ATP11A: variants seen among roughly 807,000 people sequenced by gnomAD.
ATP11A encodes the protein phospholipid-transporting ATPase IH.
ATP11A carries 81 observed loss-of-function variants against 154.4 expected under a neutral mutation model. The ratio of observed to expected loss-of-function variants is 0.52; its 90% CI spans 0.44 to 0.63. The LOEUF (loss-of-function observed/expected upper bound fraction) is 0.63, where lower values mean the gene tolerates loss of function less well. Among genes scored for constraint, ATP11A ranks in the 30% least tolerant of loss-of-function variants. The pLI, the probability that ATP11A is intolerant of heterozygous loss-of-function variation, is 0.00. For missense variants in ATP11A, 1,316 were observed against 1,474.3 expected (o/e 0.89, Z 1.76); for synonymous variants, 623 against 585.9 (o/e 1.06, Z -0.91).
chr13:112,836,029 G>A, intron 15 of ATP11A, 149 bp from the exon 16 acceptor site: 1 of 524,512 alleles, frequency 1.9e-6, no homozygotes, highest in South Asian at 3.4e-5. Context: ...TCCATGGGAG[G>A]ACACCCCTCA....
chr13:112,730,017 A>T (rs282598), intron 1 of ATP11A, among the ~76,000 whole-genome samples: 1 of 152,074 alleles, frequency 6.6e-6, no homozygotes, highest in Non-Finnish European at 1.5e-5. Context: ...TGGGAGCTGG[A>T]AGGGTGCAGA....
At chr13:112,871,894 G>A in intron 26 of ATP11A, 94 bp downstream of exon 26, 3 of 1,333,774 alleles carry the variant, frequency 2.2e-6, no homozygotes, top group South Asian at 1.2e-5. Context: ...TTATAACTCT[G>A]TACTGAGGCT....
intron 9 of ATP11A, among the ~76,000 whole-genome samples, chr13:112,823,909 G>A (rs34165042): frequency 7.2e-5 from 11 of 152,174 alleles, no homozygotes; most frequent in Admixed American, 1.3e-4. Flanking sequence ...TGTAGCCTAC[G>A]CATGTCTGCC....
At chr13:112,813,147 C>T (rs566356966) in intron 5 of ATP11A, among the ~76,000 whole-genome samples, 17 of 152,282 alleles carry the variant, frequency 1.1e-4, no homozygotes, top group Non-Finnish European at 2.2e-4. Flanking sequence ...TTCCATCGGT[C>T]GTAATGGCTC....
intron 29 of ATP11A, chr13:112,881,085 C>T: frequency 9.1e-6 from 9 of 987,458 alleles, no homozygotes; most frequent in Non-Finnish European, 1.1e-5. Flanking sequence ...GAGCACATAG[C>T]TTGTCGCCTC....
In ATP11A at chr13:112,747,936, TTCCAAAATCCCAAA is replaced by T. The variant is rs370297594; in HGVS notation, c.40-37190_40-37177del. On this transcript the variant is annotated intron_variant, in intron 1 of 29. Transcript: ENST00000375645. ...ATGGGATGAATTTGAGCATCCCTCA[TTCCAAAATCCCAAA>T]TCCAAAATGCCCAAAAATCTGAAAC... Among the ~76,000 whole-genome samples the T allele has an allele frequency of 6.0e-4, 92 of 152,304 alleles. No individual in the cohort carries two copies. The East Asian group carries it at 0.018, about 29-fold the overall frequency.
rs111216665 is a variant in ATP11A at position 112,767,207 on chromosome 13, C to A, written c.40-17928C>A. 2.8e-3 allele frequency among the ~76,000 whole-genome samples: 12 copies of A among 4,308 alleles called. 1 individual carries two copies. The highest frequency in any genetic ancestry group is 0.026 in the African/African-American group (12 of 468). The allele number at this position is 4,308 out of a possible 152,430, so 2.8% of individuals were successfully genotyped here. ...GGAGGATGTGGGGGTGTTGGGGGCCCCTGTGGGAAGGTGGGGAGATGTGGG... is the reference window on the plus strand; with the variant it reads ...GGAGGATGTGGGGGTGTTGGGGGCCACTGTGGGAAGGTGGGGAGATGTGGG... On this transcript the variant is annotated intron_variant, in intron 1 of 29. Coordinates refer to ENST00000375645, the MANE Select transcript of ATP11A (RefSeq NM_015205.3).
At chr13:112,789,098 A>C (rs1304624486) in intron 2 of ATP11A, among the ~76,000 whole-genome samples, 1 of 151,642 alleles carries the variant, frequency 6.6e-6, no homozygotes, top group Non-Finnish European at 1.5e-5. Context: ...TACTTAATTC[A>C]CACCGGGTGT....
chr13:112,833,079 C>G lies in ATP11A; in HGVS notation c.1559+56C>G, dbSNP rs1465321885. The G allele has an allele frequency of 3.2e-6, 5 of 1,566,880 alleles. No individual in the cohort carries two copies. In the Admixed American group the frequency reaches 5.2e-5, roughly 16 times the overall value. ...TTCCTGATGTGACTCAGCCCCTCCCCAGCCCCAGTCAGGGATTTGCACCTA... is the reference window on the plus strand; with the variant it reads ...TTCCTGATGTGACTCAGCCCCTCCCGAGCCCCAGTCAGGGATTTGCACCTA... On this transcript the variant is annotated intron_variant, in intron 14 of 29. Coordinates refer to ENST00000375645, the MANE Select transcript of ATP11A (RefSeq NM_015205.3).
At chr13:112,824,450 C>T (rs1330720877) in intron 10 of ATP11A, 25 bp downstream of exon 10, 2 of 1,606,380 alleles carry the variant, frequency 1.2e-6, no homozygotes, top group African/African-American at 2.7e-5. Context: ...GCGTGAGAAC[C>T]TGCAACTTAA....
chr13:112,742,915 G>A (rs1409059980), intron 1 of ATP11A, among the ~76,000 whole-genome samples: 3 of 152,170 alleles, frequency 2.0e-5, no homozygotes, highest in Non-Finnish European at 4.4e-5. Context: ...TATTGTGTAC[G>A]TGGGCAGAGG....
Position 112,875,264 on chromosome 13 carries a change from G to A in ATP11A, c.3162-512G>A, listed in dbSNP as rs991305510. Among the ~76,000 whole-genome samples, 10 of 152,340 alleles carry A rather than the reference G, an allele frequency of 6.6e-5. No homozygotes were observed. In the South Asian group the frequency reaches 8.3e-4, roughly 13 times the overall value. On this transcript the variant is annotated intron_variant, in intron 27 of 29. Transcript: ENST00000375645. The surrounding 1 kb of genome is among the most constrained non-coding windows in gnomAD (Gnocchi z 4.1). ...ATCAGGAAACGTTACCGGAAGGCAC[G>A]TATAGACGTGGACCTGTGGGCTCGG...
At chr13:112,699,705 G>A (rs1415083273) in intron 1 of ATP11A, among the ~76,000 whole-genome samples, 1 of 152,236 alleles carries the variant, frequency 6.6e-6, no homozygotes, top group Non-Finnish European at 1.5e-5. Flanking sequence ...GAGCCTGCCA[G>A]CACCTTGTCT....
intron 1 of ATP11A, among the ~76,000 whole-genome samples, chr13:112,740,759 G>C (rs755758668): frequency 6.6e-6 from 1 of 152,178 alleles, no homozygotes; most frequent in Non-Finnish European, 1.5e-5. Context: ...ACTTCCTGTT[G>C]TGTAACATCC....
intron 25 of ATP11A, among the ~76,000 whole-genome samples, chr13:112,863,805 G>C (rs190988664): frequency 0.087 from 3,344 of 38,628 alleles, 917 homozygotes; most frequent in African/African-American, 0.29. Flanking sequence ...TTCAGTGCAG[G>C]CCATGCAGCT....
chr13:112,851,006 T>A, intron 17 of ATP11A, 31 bp from the exon 18 acceptor site: 1 of 1,595,472 alleles, frequency 6.3e-7, no homozygotes, highest in Non-Finnish European at 8.6e-7. Flanking sequence ...ACACCTTGAA[T>A]TCGTGCTAAA....
intron 1 of ATP11A, among the ~76,000 whole-genome samples, chr13:112,708,143 A>G (rs117964572): frequency 8.0e-5 from 5 of 62,688 alleles, no homozygotes; most frequent in South Asian, 8.2e-4. Context: ...TACCACTTCA[A>G]GCATCTCGAC....
At chr13:112,742,155 C>G (rs393320) in intron 1 of ATP11A, among the ~76,000 whole-genome samples, 1 of 152,024 alleles carries the variant, frequency 6.6e-6, no homozygotes, top group African/African-American at 2.4e-5. Flanking sequence ...CAGGAACACT[C>G]ATTCTTGATC....
At chr13:112,837,012 G>C (rs2079255741) in intron 16 of ATP11A, among the ~76,000 whole-genome samples, 1 of 152,200 alleles carries the variant, frequency 6.6e-6, no homozygotes, top group South Asian at 2.1e-4. Flanking sequence ...CCCTCAGCAG[G>C]TCACGACACA....
Sources: allele counts gnomAD v4.1 joint callset (sites outside exome capture counted in the v4.1 genomes callset), GRCh38; gene constraint gnomAD v4.1.1; non-coding constraint Gnocchi (gnomAD v3.1); transcripts MANE v1.5; gene names NCBI Gene and HGNC (gene_info 2026-07-23, HGNC 2026-07-21).